Variants in TCF7L1 observed in about 807,000 individuals in gnomAD.
TCF7L1 encodes transcription factor 7-like 1.
Under a neutral mutation model 63.7 loss-of-function variants are expected in TCF7L1, and 18 were observed. That is an observed-to-expected ratio of 0.28 (90% CI 0.20 to 0.42). TCF7L1 has a LOEUF of 0.42. TCF7L1 is among the 10% of genes least tolerant of loss of function. The pLI is 1.00. For missense variants in TCF7L1, 654 were observed against 779.3 expected (o/e 0.84, Z 1.91); for synonymous variants, 355 against 340.9 (o/e 1.04, Z -0.46).
chr2:85,248,578 C>G (rs1680521630), intron 3 of TCF7L1, among the ~76,000 whole-genome samples: 1 of 152,136 alleles, frequency 6.6e-6, no homozygotes, highest in Non-Finnish European at 1.5e-5. Context: ...ATGGTGAACA[C>G]CTGACAACAT....
intron 3 of TCF7L1, chr2:85,216,890 ATG>A (rs1478573206): frequency 8.5e-5 from 13 of 152,202 alleles, no homozygotes. Flanking sequence ...CTTTGGAGAG[ATG>A]TTTGATCTGA....
At position 85,247,713 on chromosome 2, in the gene TCF7L1, G is replaced by A. The variant is rs139626778; in HGVS notation, c.442-35782G>A. On this transcript the variant is annotated intron_variant, in intron 3 of 11. Transcript: ENST00000282111. The stretch of plus-strand genomic sequence containing the variant: ...GTGTCCTATGGCTCTGTAGAATTAA[G>A]CATTAACGTTGCAGCTGGATTCCAT... Among the ~76,000 whole-genome samples the A allele has an allele frequency of 2.5e-4, 38 of 152,290 alleles. 1 individual carries two copies. The East Asian group carries it at 6.2e-3, about 25-fold the overall frequency.
intron 3 of TCF7L1, among the ~76,000 whole-genome samples, chr2:85,150,622 C>T (rs1677987952): frequency 7.3e-5 from 11 of 149,870 alleles, no homozygotes. Context: ...TCATGAGTAG[C>T]TTTAGGTTGT....
At chr2:85,205,583 G>C (rs1175453201) in intron 3 of TCF7L1, among the ~76,000 whole-genome samples, 1 of 151,268 alleles carries the variant, frequency 6.6e-6, no homozygotes, top group Non-Finnish European at 1.5e-5. Flanking sequence ...CCAGTCTGGA[G>C]TACAGTGGTG....
At chr2:85,295,448 G>A (rs1158325247) in intron 4 of TCF7L1, among the ~76,000 whole-genome samples, 3 of 152,132 alleles carry the variant, frequency 2.0e-5, no homozygotes, top group Non-Finnish European at 4.4e-5. Context: ...TGATCTGCCC[G>A]CCTCGGCCTC....
chr2:85,262,458 G>A (rs1270194825), intron 3 of TCF7L1, among the ~76,000 whole-genome samples: 2 of 151,978 alleles, frequency 1.3e-5, no homozygotes, highest in Non-Finnish European at 2.9e-5. Context: ...GAATTCTTTT[G>A]GATCCCTCTG....
intron 3 of TCF7L1, among the ~76,000 whole-genome samples, chr2:85,185,984 T>TTTTTTTTA (rs1678912687): frequency 7.0e-6 from 1 of 141,992 alleles, no homozygotes; most frequent in African/African-American, 2.7e-5. Context: ...TTTTTTTTTT[T>TTTTTTTTA]GAGACGGAGT....
At chr2:85,197,520 C>T (rs917950426) in intron 3 of TCF7L1, among the ~76,000 whole-genome samples, 1 of 152,174 alleles carries the variant, frequency 6.6e-6, no homozygotes, top group Non-Finnish European at 1.5e-5. Flanking sequence ...TAAAGGCTAT[C>T]CTAGGATCAA....
At chr2:85,236,376 G>A (rs1017481436) in intron 3 of TCF7L1, among the ~76,000 whole-genome samples, 1 of 152,156 alleles carries the variant, frequency 6.6e-6, no homozygotes, top group African/African-American at 2.4e-5. Flanking sequence ...AGACATCACA[G>A]GCAAAATCAG....
chr2:85,243,033 T>C (rs928828802), intron 3 of TCF7L1, among the ~76,000 whole-genome samples: 10 of 152,210 alleles, frequency 6.6e-5, no homozygotes, highest in African/African-American at 2.4e-4. Context: ...AACTGTTCAA[T>C]TGGCTTCTAG....
chr2:85,187,907 G>C (rs916284923), intron 3 of TCF7L1, among the ~76,000 whole-genome samples: 1 of 152,106 alleles, frequency 6.6e-6, no homozygotes, highest in Non-Finnish European at 1.5e-5. Flanking sequence ...AGTGGTGTAT[G>C]GTTGACCAAA....
intron 3 of TCF7L1, among the ~76,000 whole-genome samples, chr2:85,210,773 A>G (rs1449813525): frequency 6.6e-6 from 1 of 152,186 alleles, no homozygotes; most frequent in East Asian, 1.9e-4. Context: ...GCATCATTCT[A>G]AACATGTATG....
At chr2:85,283,042 T>C (rs956032452) in intron 3 of TCF7L1, among the ~76,000 whole-genome samples, 1 of 152,076 alleles carries the variant, frequency 6.6e-6, no homozygotes, top group East Asian at 1.9e-4. Flanking sequence ...GATGGCTGTT[T>C]CGTAGGGAGC....
intron 3 of TCF7L1, among the ~76,000 whole-genome samples, chr2:85,254,360 A>G (rs1017791919): frequency 1.3e-5 from 2 of 152,266 alleles, no homozygotes; most frequent in Admixed American, 1.3e-4. Context: ...GAACTTCACC[A>G]GGAATTGAAG....
At chr2:85,145,408 GA>G (rs1010574831) in intron 3 of TCF7L1, among the ~76,000 whole-genome samples, 3 of 152,224 alleles carry the variant, frequency 2.0e-5, no homozygotes, top group African/African-American at 7.2e-5. Context: ...GAAGAAAAAT[GA>G]AGTAGGAATG....
chr2:85,215,158 C>T (rs1679670600), intron 3 of TCF7L1, among the ~76,000 whole-genome samples: 1 of 152,194 alleles, frequency 6.6e-6, no homozygotes, highest in Non-Finnish European at 1.5e-5. Context: ...GCCACTTTAA[C>T]ACCGGGACCT....
intron 3 of TCF7L1, among the ~76,000 whole-genome samples, chr2:85,243,969 G>A (rs1680402458): frequency 6.6e-6 from 1 of 152,184 alleles, no homozygotes; most frequent in Admixed American, 6.5e-5. Context: ...GGCCTGCCAG[G>A]GAGGGTTCAG....
intron 4 of TCF7L1, among the ~76,000 whole-genome samples, chr2:85,284,695 CA>C (rs1040987385): frequency 5.3e-5 from 8 of 152,232 alleles, no homozygotes; most frequent in Non-Finnish European, 1.0e-4. Context: ...CCTCATCCTG[CA>C]TGACCTATGC....
rs181126916 is a variant in TCF7L1, at chr2:85,248,689, G to A, written c.442-34806G>A. Reference sequence around the variant, plus strand: ...CCCCTAAACCATCAAGATTGCTAGCGTTGTGCTTGTAGTTTTCCAAAAATG... The same window carrying A: ...CCCCTAAACCATCAAGATTGCTAGCATTGTGCTTGTAGTTTTCCAAAAATG... On this transcript the variant is annotated intron_variant, in intron 3 of 11. Coordinates refer to ENST00000282111, the MANE Select transcript of TCF7L1 (RefSeq NM_031283.3). Among the ~76,000 whole-genome samples, 177 of 152,290 alleles carry A rather than the reference G, an allele frequency of 1.2e-3. 3 individuals carry two copies. The highest frequency in any genetic ancestry group is 3.7e-3 in the African/African-American group (154 of 41,546).
Sources: gnomAD v4.1 joint callset for allele counts (sites outside exome capture counted in the v4.1 genomes callset) on GRCh38, gnomAD v4.1.1 for gene constraint, MANE v1.5 for transcripts, NCBI Gene and HGNC (gene_info 2026-07-23, HGNC 2026-07-21) for gene names.